Variants in IMMP2L observed in about 807,000 individuals in gnomAD.
IMMP2L encodes the protein inner mitochondrial membrane peptidase subunit 2.
IMMP2L carries 18 observed loss-of-function variants against 19.3 expected under a neutral mutation model. That is an observed-to-expected ratio of 0.93 (90% CI 0.64 to 1.38). The LOEUF is 1.38. Among genes scored for constraint, IMMP2L ranks in the 40% most tolerant of loss-of-function variants. The pLI is 0.00. For missense variants in IMMP2L, 233 were observed against 218.2 expected (o/e 1.07, Z -0.43); for synonymous variants, 76 against 73.0 (o/e 1.04, Z -0.21).
At chr7:110,667,968 A>G (rs914304147) in intron 5 of IMMP2L, among the ~76,000 whole-genome samples, 2 of 152,226 alleles carry the variant, frequency 1.3e-5, no homozygotes, top group Non-Finnish European at 2.9e-5. Context: ...AAAGCAAATA[A>G]GGATACATAC....
intron 3 of IMMP2L, among the ~76,000 whole-genome samples, chr7:111,340,970 A>G (rs1826952733): frequency 6.6e-6 from 1 of 152,138 alleles, no homozygotes; most frequent in African/African-American, 2.4e-5. Context: ...GATCAGTGTG[A>G]TAATTACATG....
intron 3 of IMMP2L, among the ~76,000 whole-genome samples, chr7:111,301,205 ACGT>A (rs1202493466): frequency 5.9e-5 from 9 of 152,092 alleles, no homozygotes; most frequent in African/African-American, 2.2e-4. Flanking sequence ...ATGATGTTGT[ACGT>A]CTTTTCATTG....
chr7:110,907,035 C>A (rs1285453318), intron 4 of IMMP2L, among the ~76,000 whole-genome samples: 2 of 151,684 alleles, frequency 1.3e-5, no homozygotes, highest in Non-Finnish European at 2.9e-5. Context: ...GGCCCTGCAG[C>A]AGCATTAGGC....
intron 5 of IMMP2L, among the ~76,000 whole-genome samples, chr7:110,719,643 A>G (rs1041185310): frequency 6.6e-6 from 1 of 152,224 alleles, no homozygotes; most frequent in African/African-American, 2.4e-5. Flanking sequence ...AGAATTTTAG[A>G]TGCTTTATTC....
chr7:111,170,820 A>G (rs941257014), intron 3 of IMMP2L, among the ~76,000 whole-genome samples: 1 of 151,762 alleles, frequency 6.6e-6, no homozygotes, highest in Non-Finnish European at 1.5e-5. Context: ...GCATAGTAGT[A>G]AAGCCTAGGC....
At chr7:110,934,181 T>G in intron 4 of IMMP2L, among the ~76,000 whole-genome samples, 1 of 152,330 alleles carries the variant, frequency 6.6e-6, no homozygotes, top group African/African-American at 2.4e-5. Context: ...AGTCCTAATT[T>G]GATTGTACTG....
At chr7:111,462,222 CATAA>C (rs1252433564) in intron 3 of IMMP2L, among the ~76,000 whole-genome samples, 6 of 152,136 alleles carry the variant, frequency 3.9e-5, no homozygotes, top group Admixed American at 2.6e-4. Context: ...AGCTTGCTTA[CATAA>C]ATAGTCTCCC....
chr7:111,267,064 A>G (rs1051531086), intron 3 of IMMP2L, among the ~76,000 whole-genome samples: 2 of 152,284 alleles, frequency 1.3e-5, no homozygotes, highest in African/African-American at 2.4e-5. Flanking sequence ...GATTTTGATC[A>G]TAAGTTTGGT....
At position 111,045,813 on chromosome 7, in the gene IMMP2L, T is replaced by C. The variant is rs146665487; in HGVS notation, c.240-82248A>G. 4.6e-5 allele frequency among the ~76,000 whole-genome samples: 7 copies of C among 152,328 alleles called. No homozygotes were observed. In the East Asian group the frequency reaches 1.2e-3, roughly 25 times the overall value. On this transcript the variant is annotated intron_variant, in intron 3 of 5. Transcript: ENST00000405709. ...AGCCTAGTGAAACACATCAGACTTC[T>C]GACCTACAGAATTGTAAGGTAATAA...
chr7:111,270,862 T>C (rs974868546), intron 3 of IMMP2L, among the ~76,000 whole-genome samples: 5 of 152,286 alleles, frequency 3.3e-5, no homozygotes, highest in African/African-American at 1.2e-4. Flanking sequence ...TAACATGGCA[T>C]CTCTAAAATG....
intron 5 of IMMP2L, among the ~76,000 whole-genome samples, chr7:110,751,997 A>AT (rs1277077039): frequency 6.6e-6 from 1 of 151,980 alleles, no homozygotes; most frequent in Non-Finnish European, 1.5e-5. Flanking sequence ...CCACACTAAG[A>AT]TTTTCTAAAT....
At chr7:111,512,144 T>G (rs1352770033) in intron 2 of IMMP2L, among the ~76,000 whole-genome samples, 1 of 152,096 alleles carries the variant, frequency 6.6e-6, no homozygotes, top group Non-Finnish European at 1.5e-5. Flanking sequence ...TATCATCTGG[T>G]GAGTGGAGAA....
chr7:111,212,661 C>A (rs1228116376), intron 3 of IMMP2L, among the ~76,000 whole-genome samples: 1 of 151,784 alleles, frequency 6.6e-6, no homozygotes, highest in African/African-American at 2.4e-5. Context: ...TTGCCACCAT[C>A]ATAAAAATAT....
At chr7:111,198,800 A>G (rs1024636134) in intron 3 of IMMP2L, among the ~76,000 whole-genome samples, 1 of 152,152 alleles carries the variant, frequency 6.6e-6, no homozygotes, top group African/African-American at 2.4e-5. Context: ...ATCTGGCCTT[A>G]GAGTTATAAT....
chr7:111,121,972 G>C (rs1400090325), intron 3 of IMMP2L, among the ~76,000 whole-genome samples: 1 of 150,746 alleles, frequency 6.6e-6, no homozygotes, highest in South Asian at 2.1e-4. Flanking sequence ...GCAAACTATC[G>C]CAAGGACAAA....
intron 1 of IMMP2L, among the ~76,000 whole-genome samples, chr7:111,526,097 A>G (rs1445369114): frequency 1.3e-5 from 2 of 152,214 alleles, no homozygotes; most frequent in African/African-American, 4.8e-5. Flanking sequence ...AGAAACTAAA[A>G]TAAGTTCAGT....
At chr7:111,024,788 C>T (rs1011735095) in intron 3 of IMMP2L, among the ~76,000 whole-genome samples, 2 of 152,110 alleles carry the variant, frequency 1.3e-5, no homozygotes, top group Admixed American at 6.6e-5. Context: ...GCACCATTTA[C>T]CTGTGCAGAA....
intron 5 of IMMP2L, among the ~76,000 whole-genome samples, chr7:110,682,408 G>A (rs1792789277): frequency 6.6e-6 from 1 of 152,146 alleles, no homozygotes; most frequent in Non-Finnish European, 1.5e-5. Context: ...GCTTCTTGAA[G>A]CAGGCACTGT....
chr7:111,059,457 T>TC (rs937764420), intron 3 of IMMP2L, among the ~76,000 whole-genome samples: 18 of 152,302 alleles, frequency 1.2e-4, no homozygotes, highest in Admixed American at 9.8e-4. Context: ...GTAAGCATTT[T>TC]CCCCTCTATA....
Sources: gnomAD v4.1 joint callset for allele counts (sites outside exome capture counted in the v4.1 genomes callset) on GRCh38, gnomAD v4.1.1 for gene constraint, MANE v1.5 for transcripts, NCBI Gene and HGNC (gene_info 2026-07-23, HGNC 2026-07-21) for gene names.